The following PTPRN2 variants were observed in gnomAD, a reference collection of about 807,000 sequenced individuals.
PTPRN2 encodes receptor-type tyrosine-protein phosphatase N2.
Under a neutral mutation model 118.8 loss-of-function variants are expected in PTPRN2, and 74 were observed. The ratio of observed to expected loss-of-function variants is 0.62; its 90% CI spans 0.52 to 0.76. PTPRN2 has a LOEUF of 0.76. PTPRN2 is among the 30% of genes least tolerant of loss of function. The pLI is 0.00. For synonymous variants in PTPRN2, 641 were observed against 608.0 expected (o/e 1.05, Z -0.80); for missense variants, 1,481 against 1,394.4 (o/e 1.06, Z -0.99).
At chr7:158,345,325 T>C (rs1342755581) in intron 2 of PTPRN2, among the ~76,000 whole-genome samples, 1 of 152,136 alleles carries the variant, frequency 6.6e-6, no homozygotes, top group Non-Finnish European at 1.5e-5. Context: ...TTGTCTTAAT[T>C]TGGGTTTTTT....
rs1241831971 is a variant in PTPRN2, at chr7:157,617,193, G to A, written c.2344+4169C>T. 1.3e-5 allele frequency: 2 copies of A among 152,338 alleles called. No individual in the cohort carries two copies. The highest frequency in any genetic ancestry group is 6.5e-5 in the Admixed American group (1 of 15,290). The allele number at this position is 152,338 out of a possible 1,614,324, so 9.4% of individuals were successfully genotyped here. A position where few individuals can be genotyped will look rare whatever the true frequency, so the allele number is the denominator to read the frequency against. On this transcript the variant is annotated intron_variant, in intron 15 of 22. Coordinates refer to ENST00000389418, the MANE Select transcript of PTPRN2 (RefSeq NM_002847.5). The surrounding 1 kb of genome is among the most constrained non-coding windows in gnomAD (Gnocchi z 7.5). ...CGCTGGCTCACGATGCCCCAGTGAT[G>A]CCGTGGTTAGGACACTGCTCACGCA...
At chr7:157,605,282 C>T (rs555670616) in intron 15 of PTPRN2, among the ~76,000 whole-genome samples, 15 of 152,330 alleles carry the variant, frequency 9.8e-5, no homozygotes, top group South Asian at 2.1e-4. Context: ...TGTGAGGCTG[C>T]GGCCAGACCA....
Position 158,328,358 on chromosome 7 carries a change from C to G in PTPRN2, c.164-11426G>C, listed in dbSNP as rs960374917. 2.0e-5 allele frequency among the ~76,000 whole-genome samples: 3 copies of G among 152,262 alleles called. No homozygotes were observed. The South Asian group carries it at 6.2e-4, about 32-fold the overall frequency. On this transcript the variant is annotated intron_variant, in intron 2 of 22. Coordinates refer to ENST00000389418, the MANE Select transcript of PTPRN2 (RefSeq NM_002847.5). ...GCTGTGAAGTCTGAGCAGCTTAGTT[C>G]GTAATGAAACCTGAAGATAAGCCGA...
At chr7:158,505,058 G>A (rs916415216) in intron 1 of PTPRN2, among the ~76,000 whole-genome samples, 8 of 152,090 alleles carry the variant, frequency 5.3e-5, no homozygotes, top group Admixed American at 3.3e-4. Flanking sequence ...CACCCTATAG[G>A]GTTGCCGGGA....
chr7:158,443,884 G>A (rs1183668272), intron 2 of PTPRN2, among the ~76,000 whole-genome samples: 1 of 152,214 alleles, frequency 6.6e-6, no homozygotes, highest in Non-Finnish European at 1.5e-5. Context: ...ACGGCCAGGG[G>A]CAGAGCTGCT....
intron 2 of PTPRN2, among the ~76,000 whole-genome samples, chr7:158,416,540 G>T (rs1356249024): frequency 6.6e-6 from 1 of 152,202 alleles, no homozygotes; most frequent in African/African-American, 2.4e-5. Flanking sequence ...GAGCTGTGTG[G>T]CCACATCATC....
chr7:158,506,947 G>C (rs1334416442), intron 1 of PTPRN2, among the ~76,000 whole-genome samples: 1 of 152,226 alleles, frequency 6.6e-6, no homozygotes, highest in Non-Finnish European at 1.5e-5. Context: ...ACACCGCTCT[G>C]GTTCGGGGTG....
At chr7:158,561,290 G>A (rs764094919) in intron 1 of PTPRN2, among the ~76,000 whole-genome samples, 5 of 152,070 alleles carry the variant, frequency 3.3e-5, no homozygotes, top group East Asian at 1.9e-4. Flanking sequence ...TGTAACACCC[G>A]TTGCCTTAGA....
At chr7:157,551,494 G>A (rs1168559780) in intron 21 of PTPRN2, among the ~76,000 whole-genome samples, 1 of 151,586 alleles carries the variant, frequency 6.6e-6, no homozygotes, top group Non-Finnish European at 1.5e-5. Flanking sequence ...GCAGCCCACA[G>A]CCAGCATGCA....
At chr7:157,866,262 A>G (rs1810658524) in intron 12 of PTPRN2, among the ~76,000 whole-genome samples, 1 of 152,180 alleles carries the variant, frequency 6.6e-6, no homozygotes, top group Non-Finnish European at 1.5e-5. Context: ...ATTAAGAGTC[A>G]GTGAGCAGGA....
chr7:158,355,394 T>A (rs940174532), intron 2 of PTPRN2, among the ~76,000 whole-genome samples: 19 of 152,250 alleles, frequency 1.2e-4, no homozygotes, highest in African/African-American at 4.3e-4. Context: ...TGCTGCAGCA[T>A]AAGTGTCTGT....
Position 157,611,976 on chromosome 7 carries a change from C to A in PTPRN2, c.2345-7901G>T, listed in dbSNP as rs1253888508. On this transcript the variant is annotated intron_variant, in intron 15 of 22. Coordinates refer to ENST00000389418, the MANE Select transcript of PTPRN2 (RefSeq NM_002847.5). This position sits in a 1 kb window ranked among gnomAD's most constrained non-coding sequence, Gnocchi z 5.9. ...TGAGGAGCGAGGCCTCCAGAGAAGC[C>A]AGCCCTGCTGACACCCTGACCTCCA... is the stretch of plus-strand genomic sequence containing the variant. Among the ~76,000 whole-genome samples, 1 of 152,180 alleles carries A rather than the reference C, an allele frequency of 6.6e-6. No individual in the cohort carries two copies.
In PTPRN2 at chr7:158,133,669, C is replaced by T. The variant is rs1179186941; in HGVS notation, c.1556+8G>A. The stretch of plus-strand genomic sequence containing the variant: ...GCACACAGGAGCTTAGCCAGGGCTG[C>T]TACTCACTCTCTGTCTGTCACGATG... On this transcript the variant is annotated splice_region_variant and intron_variant, in intron 9 of 22. Coordinates refer to ENST00000389418, the MANE Select transcript of PTPRN2 (RefSeq NM_002847.5). The T allele has an allele frequency of 6.4e-7, 1 of 1,559,654 alleles. No homozygotes were observed. The highest frequency in any genetic ancestry group is 8.7e-7 in the Non-Finnish European group (1 of 1,154,488).
chr7:158,488,179 C>A (rs1166280478), intron 2 of PTPRN2, among the ~76,000 whole-genome samples: 2 of 152,144 alleles, frequency 1.3e-5, no homozygotes, highest in South Asian at 4.1e-4. Flanking sequence ...GCTGTTGAGT[C>A]CAGGCAGACG....
At chr7:157,828,921 G>A (rs1274411335) in intron 12 of PTPRN2, among the ~76,000 whole-genome samples, 3 of 152,234 alleles carry the variant, frequency 2.0e-5, no homozygotes, top group Non-Finnish European at 4.4e-5. Context: ...GAACGAAGAT[G>A]GTGTCACTGT....
At chr7:157,566,130 C>A (rs1334123337) in intron 21 of PTPRN2, among the ~76,000 whole-genome samples, 1 of 152,228 alleles carries the variant, frequency 6.6e-6, no homozygotes, top group Non-Finnish European at 1.5e-5. Flanking sequence ...TGTCTGCGGC[C>A]GCAGCTGCTG....
chr7:157,787,052 C>T lies in PTPRN2; in HGVS notation c.1789-104115G>A, dbSNP rs1804091779. Among the ~76,000 whole-genome samples, 2 of 144,878 alleles carry T rather than the reference C, an allele frequency of 1.4e-5. No homozygotes were observed. Among genetic ancestry groups the T allele is most frequent in the African/African-American group, 5.2e-5 (2 of 38,628 alleles). On this transcript the variant is annotated intron_variant, in intron 12 of 22. Coordinates refer to ENST00000389418, the MANE Select transcript of PTPRN2 (RefSeq NM_002847.5). The surrounding 1 kb of genome is among the most constrained non-coding windows in gnomAD (Gnocchi z 5.3). ...CGGCGGGGGACGCGGGGGTGGCTGC[C>T]CGGGAGGCGGACGCGGGTGCGGCGG... is the stretch of plus-strand genomic sequence containing the variant.
chr7:158,488,093 C>A (rs1821157465), intron 2 of PTPRN2, among the ~76,000 whole-genome samples: 1 of 152,100 alleles, frequency 6.6e-6, no homozygotes, highest in Non-Finnish European at 1.5e-5. Flanking sequence ...GAGACAGCCT[C>A]GGCTTTTATT....
In PTPRN2 at chr7:157,990,336, G is replaced by A. The variant is rs553025014; in HGVS notation, c.1723+90962C>T. On this transcript the variant is annotated intron_variant, in intron 11 of 22. Coordinates refer to ENST00000389418, the MANE Select transcript of PTPRN2 (RefSeq NM_002847.5). This position sits in a 1 kb window ranked among gnomAD's most constrained non-coding sequence, Gnocchi z 4.3. ...GACCTGGAGCACAGAGGGGAGGGAC[G>A]GGGACAGGTGCAGCAGAGATTGGGC... 3.3e-4 allele frequency among the ~76,000 whole-genome samples: 50 copies of A among 152,218 alleles called. No homozygotes were observed. Among genetic ancestry groups the A allele is most frequent in the African/African-American group, 1.2e-3 (49 of 41,510 alleles).
Sources: gnomAD v4.1 joint callset for allele counts (sites outside exome capture counted in the v4.1 genomes callset) on GRCh38, gnomAD v4.1.1 for gene constraint, Gnocchi (gnomAD v3.1) non-coding constraint, MANE v1.5 for transcripts, NCBI Gene and HGNC (gene_info 2026-07-23, HGNC 2026-07-21) for gene names.